The following LYSMD2 variants were observed in gnomAD, a reference collection of about 807,000 sequenced individuals.
LYSMD2 encodes lysM and putative peptidoglycan-binding domain-containing protein 2.
A neutral mutation model predicts 17.7 loss-of-function variants in LYSMD2; 6 were observed. The ratio of observed to expected loss-of-function variants is 0.34; its 90% confidence interval spans 0.19 to 0.67. The LOEUF (loss-of-function observed/expected upper bound fraction) is 0.67. Among genes scored for constraint, LYSMD2 ranks in the 30% least tolerant of loss-of-function variants. LYSMD2 has a pLI of 0.69. For missense variants in LYSMD2, 237 were observed against 286.7 expected (o/e 0.83, Z 1.25); for synonymous variants, 102 against 129.8 (o/e 0.79, Z 1.45).
At position 51,724,913 on chromosome 15, in the gene LYSMD2, G is replaced by A; in HGVS notation, c.482C>T (p.Pro161Leu). ...CACAGGCTGAACATCAGATTCTTGA[G>A]GACTGGGAGGAGGGAGGTCTTCCCC... ...VAGEDLPPPS[P>L]QESDVQPVQP... Residue 161 changes from proline to leucine, a missense_variant, in exon 2 of 3, where the codon CCT (proline) becomes CTT (leucine). By Grantham distance (98) the Pro-to-Leu change is moderately conservative. Coordinates refer to ENST00000267838, the MANE Select transcript of LYSMD2 (RefSeq NM_153374.3). 1 of 1,614,094 alleles carries A rather than the reference G, an allele frequency of 6.2e-7. No individual in the cohort carries two copies.
rs1235297313 is a variant in LYSMD2, at chr15:51,737,199, C to G, written c.273+151G>C. 1.2e-6 allele frequency: 1 copy of G among 803,958 alleles called. No individual in the cohort carries two copies. Among genetic ancestry groups the G allele is most frequent in the Non-Finnish European group, 1.7e-6 (1 of 592,748 alleles). The allele number at this position is 803,958 out of a possible 1,614,324, so 49.8% of individuals were successfully genotyped here. On this transcript the variant is annotated intron_variant, in intron 1 of 2. Transcript: ENST00000267838. The surrounding 1 kb of genome is among the most constrained non-coding windows in gnomAD (Gnocchi z 4.2). ...CGCGCGCTGAGCGAGCCCTGGGAGCCGAGCCGCCCGGGGACGCACGGCCGT... is the reference window on the plus strand; with the variant it reads ...CGCGCGCTGAGCGAGCCCTGGGAGCGGAGCCGCCCGGGGACGCACGGCCGT...
At position 51,725,137 on chromosome 15, in the gene LYSMD2, G is replaced by C. The variant is rs565428543; in HGVS notation, c.274-16C>G. 6 of 1,505,062 alleles carry C rather than the reference G, an allele frequency of 4.0e-6. No homozygotes were observed. In the South Asian group the frequency reaches 7.3e-5, roughly 18 times the overall value. The allele number at this position is 1,505,062 out of a possible 1,614,324, so 93.2% of individuals were successfully genotyped here. On this transcript the variant is annotated splice_polypyrimidine_tract_variant and intron_variant, in intron 1 of 2. Transcript: ENST00000267838. ...TCTGTTCCATCTAAAATATAAAAAA[G>C]GAGACACAGAATTACATATAACCAA...
chr15:51,737,517 C>T lies in LYSMD2; in HGVS notation c.106G>A (p.Glu36Lys), dbSNP rs1751540309. 3 of 1,278,096 alleles carry T rather than the reference C, an allele frequency of 2.3e-6. No individual in the cohort carries two copies. Among genetic ancestry groups the T allele is most frequent in the Admixed American group, 4.1e-5 (1 of 24,520 alleles). 79.2% of individuals were successfully genotyped at this position (1,278,096 alleles called of 1,614,324 possible). A position where few individuals can be genotyped will look rare whatever the true frequency, so the allele number is the denominator to read the frequency against. ...PPRSRSGSESEEAELSLSLAR... is the reference protein window; with the variant it reads ...PPRSRSGSESKEAELSLSLAR... ...AGGCTCAGCGACAGCTCGGCCTCCT[C>T]GGACTCGGAGCCGGAGCGCGAGCGC... The change falls in exon 1 of 3, where the codon GAG becomes AAG. Residue 36 changes from glutamate (E) to lysine (K), a missense_variant. Transcript: ENST00000267838. The surrounding 1 kb of genome is among the most constrained non-coding windows in gnomAD (Gnocchi z 4.2).
At chr15:51,745,062 C>G (rs1292992246) in intron 1 of LYSMD2, among the ~76,000 whole-genome samples, 1 of 152,012 alleles carries the variant, frequency 6.6e-6, no homozygotes, top group Non-Finnish European at 1.5e-5. Flanking sequence ...AAAACTGACT[C>G]AAGAAGAAAT....
chr15:51,745,534 G>T (rs1184489041), intron 1 of LYSMD2, among the ~76,000 whole-genome samples: 1 of 152,134 alleles, frequency 6.6e-6, no homozygotes, highest in Non-Finnish European at 1.5e-5. Flanking sequence ...AAAAGTCTTT[G>T]ATGAAATCCA....
intron 2 of LYSMD2, among the ~76,000 whole-genome samples, chr15:51,724,302 T>C (rs7168659): frequency 0.41 from 62,082 of 151,958 alleles, 12,937 homozygotes; most frequent in Admixed American, 0.52. Context: ...AAACACCCAG[T>C]AACAAATAAC....
At position 51,723,543 on chromosome 15, in the gene LYSMD2, G is replaced by T; in HGVS notation, c.*64C>A. ...CAGAAGGGATGTTTTTGAATCTTCA[G>T]TTGTTGGATTCTTTATGGTCCAAAC... On this transcript the variant is annotated 3_prime_UTR_variant, in exon 3 of 3. Coordinates refer to ENST00000267838, the MANE Select transcript of LYSMD2 (RefSeq NM_153374.3). 7.7e-7 allele frequency: 1 copy of T among 1,306,620 alleles called. No individual in the cohort carries two copies. The highest frequency in any genetic ancestry group is 1.1e-6 in the Non-Finnish European group (1 of 901,792). 80.9% of individuals were successfully genotyped at this position (1,306,620 alleles called of 1,614,324 possible).
At chr15:51,726,750 G>A (rs1034057743) in intron 1 of LYSMD2, among the ~76,000 whole-genome samples, 6 of 152,276 alleles carry the variant, frequency 3.9e-5, no homozygotes, top group Admixed American at 3.9e-4. Flanking sequence ...AACTCCACTT[G>A]GAGTTTGTTT....
chr15:51,725,586 T>A (rs2055534579), intron 1 of LYSMD2, among the ~76,000 whole-genome samples: 1 of 152,152 alleles, frequency 6.6e-6, no homozygotes, highest in South Asian at 2.1e-4. Flanking sequence ...GTTACTTATA[T>A]CATTGATCCT....
intron 1 of LYSMD2, among the ~76,000 whole-genome samples, chr15:51,727,243 C>A (rs986141772): frequency 6.6e-6 from 1 of 152,180 alleles, no homozygotes; most frequent in Non-Finnish European, 1.5e-5. Context: ...AGGAGGCTGA[C>A]TTTTTAAGAA....
chr15:51,737,199 C>T lies in LYSMD2; in HGVS notation c.273+151G>A, dbSNP rs1235297313. On this transcript the variant is annotated intron_variant, in intron 1 of 2. Transcript: ENST00000267838. The surrounding 1 kb of genome is among the most constrained non-coding windows in gnomAD (Gnocchi z 4.2). Reference sequence around the variant, plus strand: ...CGCGCGCTGAGCGAGCCCTGGGAGCCGAGCCGCCCGGGGACGCACGGCCGT... The same window carrying T: ...CGCGCGCTGAGCGAGCCCTGGGAGCTGAGCCGCCCGGGGACGCACGGCCGT... The T allele has an allele frequency of 3.7e-6, 3 of 803,956 alleles. No homozygotes were observed. The highest frequency in any genetic ancestry group is 5.1e-6 in the Non-Finnish European group (3 of 592,746). The allele number at this position is 803,956 out of a possible 1,614,324, so 49.8% of individuals were successfully genotyped here.
chr15:51,750,246 G>T (rs1015051094), intron 1 of LYSMD2, among the ~76,000 whole-genome samples: 2 of 152,142 alleles, frequency 1.3e-5, no homozygotes, highest in Non-Finnish European at 2.9e-5. Flanking sequence ...TCTCACAAGG[G>T]TTCTTGTAAA....
At chr15:51,747,493 AAAT>A (rs1292489289) in intron 1 of LYSMD2, among the ~76,000 whole-genome samples, 2 of 152,220 alleles carry the variant, frequency 1.3e-5, no homozygotes, top group East Asian at 1.9e-4. Flanking sequence ...CTCTGTCTCA[AAAT>A]AATAATAATA....
At chr15:51,746,243 T>C (rs2055666940) in intron 1 of LYSMD2, among the ~76,000 whole-genome samples, 1 of 152,228 alleles carries the variant, frequency 6.6e-6, no homozygotes, top group African/African-American at 2.4e-5. Flanking sequence ...ATGTGGTCTA[T>C]CCATGCAATG....
intron 1 of LYSMD2, among the ~76,000 whole-genome samples, chr15:51,749,515 C>T (rs1400961317): frequency 6.6e-6 from 1 of 152,214 alleles, no homozygotes; most frequent in African/African-American, 2.4e-5. Context: ...CCTTTCATGG[C>T]TAGTTTCTGA....
At chr15:51,726,500 G>C (rs762510275) in intron 1 of LYSMD2, among the ~76,000 whole-genome samples, 5 of 152,190 alleles carry the variant, frequency 3.3e-5, no homozygotes, top group Non-Finnish European at 7.3e-5. Flanking sequence ...AGCATCACAG[G>C]CTTTTGTGAT....
chr15:51,732,509 T>C (rs1425466859), intron 1 of LYSMD2, among the ~76,000 whole-genome samples: 1 of 152,126 alleles, frequency 6.6e-6, no homozygotes, highest in African/African-American at 2.4e-5. Context: ...CCAGACTCAA[T>C]AGAAGTTGGT....
intron 1 of LYSMD2, among the ~76,000 whole-genome samples, chr15:51,750,592 G>A (rs1268353742): frequency 1.3e-5 from 2 of 152,166 alleles, no homozygotes; most frequent in African/African-American, 4.8e-5. Context: ...ATAAGCAAAG[G>A]TTATGCTCAA....
chr15:51,729,200 G>A (rs2055560505), intron 1 of LYSMD2, among the ~76,000 whole-genome samples: 1 of 152,224 alleles, frequency 6.6e-6, no homozygotes, highest in South Asian at 2.1e-4. Context: ...AGTGTAGGGA[G>A]TAATAAGCAA....
Sources: allele counts gnomAD v4.1 joint callset (sites outside exome capture counted in the v4.1 genomes callset), GRCh38; gene constraint gnomAD v4.1.1; non-coding constraint Gnocchi (gnomAD v3.1); transcripts MANE v1.5; gene names NCBI Gene and HGNC (gene_info 2026-07-23, HGNC 2026-07-21).